Variants in HTR1F observed in about 807,000 individuals in gnomAD.
HTR1F encodes 5-hydroxytryptamine receptor 1F.
A neutral mutation model predicts 24.0 loss-of-function variants in HTR1F; 17 were observed. The ratio of observed to expected loss-of-function variants is 0.71; its 90% CI spans 0.48 to 1.06. The LOEUF (loss-of-function observed/expected upper bound fraction) is 1.06. HTR1F is among the 50% of genes least tolerant of loss of function. The pLI, the probability that HTR1F is intolerant of heterozygous loss-of-function variation, is 0.00. For missense variants in HTR1F, 391 were observed against 427.8 expected (o/e 0.91, Z 0.76); for synonymous variants, 186 against 156.8 (o/e 1.19, Z -1.39).
chr3:87,884,969 C>T (rs896655426), intron 2 of HTR1F, among the ~76,000 whole-genome samples: 1 of 152,170 alleles, frequency 6.6e-6, no homozygotes, highest in Non-Finnish European at 1.5e-5. Context: ...AGGACTTGAA[C>T]TCAGCTCTGC....
intron 2 of HTR1F, among the ~76,000 whole-genome samples, chr3:87,936,320 A>C (rs1704413985): frequency 6.6e-6 from 1 of 152,224 alleles, no homozygotes. Flanking sequence ...AAATATAGGA[A>C]GTTAAGCAAA....
At chr3:87,838,216 C>T (rs1238523916) in intron 2 of HTR1F, among the ~76,000 whole-genome samples, 1 of 152,078 alleles carries the variant, frequency 6.6e-6, no homozygotes, top group African/African-American at 2.4e-5. Context: ...GGAATTGATG[C>T]AGGAAGTGGC....
chr3:87,822,449 A>G (rs1704378193), intron 2 of HTR1F, among the ~76,000 whole-genome samples: 1 of 152,214 alleles, frequency 6.6e-6, no homozygotes. Context: ...AGAAAGTGAA[A>G]GGTAGACATT....
At chr3:87,838,650 C>T (rs1168788539) in intron 2 of HTR1F, among the ~76,000 whole-genome samples, 1 of 152,000 alleles carries the variant, frequency 6.6e-6, no homozygotes, top group Non-Finnish European at 1.5e-5. Context: ...GCAATATCCA[C>T]TCAATAATGG....
chr3:87,837,975 A>G (rs1055127168), intron 2 of HTR1F, among the ~76,000 whole-genome samples: 3 of 151,944 alleles, frequency 2.0e-5, no homozygotes, highest in African/African-American at 4.8e-5. Context: ...TTCAGAATTT[A>G]TTTTGTCCAC....
chr3:87,951,150 G>C (rs1299440434), intron 2 of HTR1F, among the ~76,000 whole-genome samples: 1 of 152,084 alleles, frequency 6.6e-6, no homozygotes, highest in Non-Finnish European at 1.5e-5. Flanking sequence ...ATACTGCTAA[G>C]TGCAAGTGGA....
At position 87,855,808 on chromosome 3, in the gene HTR1F, C is replaced by A. The variant is rs150768326; in HGVS notation, c.-43+33684C>A. ...TGTCCCTCTCAGGAATGTGAATCATCCCTTTGTCCAGCGTATCCACACTGT... is the reference window on the plus strand; with the variant it reads ...TGTCCCTCTCAGGAATGTGAATCATACCTTTGTCCAGCGTATCCACACTGT... On this transcript the variant is annotated intron_variant, in intron 2 of 2. Coordinates refer to ENST00000319595, the MANE Select transcript of HTR1F (RefSeq NM_001322209.2). Among the ~76,000 whole-genome samples, 587 of 152,172 alleles carry A rather than the reference C, an allele frequency of 3.9e-3. 5 individuals carry two copies. The highest frequency in any genetic ancestry group is 0.014 in the African/African-American group (564 of 41,548).
In HTR1F at chr3:87,880,640, G is replaced by A. The variant is rs7621718; in HGVS notation, c.-43+58516G>A. 8.4e-3 allele frequency among the ~76,000 whole-genome samples: 1,147 copies of A among 137,072 alleles called. 10 individuals carry two copies. Among genetic ancestry groups the A allele is most frequent in the African/African-American group, 0.028 (972 of 34,468 alleles). 89.9% of individuals were successfully genotyped at this position (137,072 alleles called of 152,430 possible). ...TTGTTCAGCTACAAAATGTGTGTGT[G>A]TTTGTTTGTGTGTGTGTGTGTGTGT... On this transcript the variant is annotated intron_variant, in intron 2 of 2. Transcript: ENST00000319595.
chr3:87,873,874 A>C (rs1464490291), intron 2 of HTR1F, among the ~76,000 whole-genome samples: 3 of 152,152 alleles, frequency 2.0e-5, no homozygotes, highest in Admixed American at 6.6e-5. Context: ...AAGGACAAAA[A>C]CCATATGATT....
At chr3:87,854,923 T>C (rs934793109) in intron 2 of HTR1F, among the ~76,000 whole-genome samples, 3 of 151,996 alleles carry the variant, frequency 2.0e-5, no homozygotes, top group African/African-American at 7.2e-5. Flanking sequence ...ATATTTTTTG[T>C]TGTTGTTGTT....
At chr3:87,819,154 C>A (rs1704305964) in intron 1 of HTR1F, among the ~76,000 whole-genome samples, 1 of 152,122 alleles carries the variant, frequency 6.6e-6, no homozygotes, top group Non-Finnish European at 1.5e-5. Context: ...TTAGTATCAG[C>A]AATAAGATTA....
intron 2 of HTR1F, among the ~76,000 whole-genome samples, chr3:87,831,952 C>A (rs1704588755): frequency 6.6e-6 from 1 of 152,146 alleles, no homozygotes; most frequent in African/African-American, 2.4e-5. Flanking sequence ...CTAAAATCAT[C>A]GCCATGCACT....
intron 2 of HTR1F, among the ~76,000 whole-genome samples, chr3:87,961,397 T>G (rs1201596380): frequency 6.6e-6 from 1 of 152,070 alleles, no homozygotes; most frequent in Non-Finnish European, 1.5e-5. Flanking sequence ...AATTTTGAGA[T>G]GAAAATGTTA....
In HTR1F at chr3:87,956,752, A is replaced by T. The variant is rs143544953; in HGVS notation, c.-42-33956A>T. Among the ~76,000 whole-genome samples, 603 of 151,450 alleles carry T rather than the reference A, an allele frequency of 4.0e-3. 6 individuals carry two copies. Among genetic ancestry groups the T allele is most frequent in the African/African-American group, 0.014 (579 of 41,480 alleles). The stretch of plus-strand genomic sequence containing the variant: ...TATGATTTTAGTGTTCTTAGATATG[A>T]CTTTTTAAAAATTCATTTACCAATT... On this transcript the variant is annotated intron_variant, in intron 2 of 2. Transcript: ENST00000319595.
chr3:87,921,704 A>C (rs575743290), intron 2 of HTR1F, among the ~76,000 whole-genome samples: 18 of 151,996 alleles, frequency 1.2e-4, no homozygotes, highest in African/African-American at 4.3e-4. Flanking sequence ...TTTGTTAACC[A>C]ACATCTCCTT....
chr3:87,879,596 A>G (rs534131403), intron 2 of HTR1F, among the ~76,000 whole-genome samples: 1 of 152,182 alleles, frequency 6.6e-6, no homozygotes, highest in African/African-American at 2.4e-5. Context: ...ACATTCTAGG[A>G]TATGTAGAAT....
In HTR1F at chr3:87,825,752, G is replaced by C. The variant is rs570360531; in HGVS notation, c.-43+3628G>C. Among the ~76,000 whole-genome samples the C allele has an allele frequency of 4.0e-4, 61 of 152,194 alleles. 1 individual carries two copies. Among genetic ancestry groups the C allele is most frequent in the Admixed American group, 4.0e-3 (61 of 15,288 alleles). On this transcript the variant is annotated intron_variant, in intron 2 of 2. Coordinates refer to ENST00000319595, the MANE Select transcript of HTR1F (RefSeq NM_001322209.2). ...AATTAACTTAGAATCATGTCACAAA[G>C]CCTTCTCCCTGAAAGCAAAATGGTT... is the stretch of plus-strand genomic sequence containing the variant.
chr3:87,937,601 G>A (rs1328788508), intron 2 of HTR1F, among the ~76,000 whole-genome samples: 1 of 152,080 alleles, frequency 6.6e-6, no homozygotes, highest in Non-Finnish European at 1.5e-5. Flanking sequence ...ACATAGTACT[G>A]GAAGTCCTCA....
rs1705474681 is a variant in HTR1F at position 87,868,480 on chromosome 3, G to T, written c.-43+46356G>T. Among the ~76,000 whole-genome samples, 3 of 151,808 alleles carry T rather than the reference G, an allele frequency of 2.0e-5. No individual in the cohort carries two copies. The South Asian group carries it at 6.2e-4, about 32-fold the overall frequency. ...AATGCAACACAAATATTAGTAGCAG[G>T]TTTTCTTAAAGTATTTTTTGTCTTT... On this transcript the variant is annotated intron_variant, in intron 2 of 2. Coordinates refer to ENST00000319595, the MANE Select transcript of HTR1F (RefSeq NM_001322209.2).
Sources: gnomAD v4.1 joint callset for allele counts (sites outside exome capture counted in the v4.1 genomes callset) on GRCh38, gnomAD v4.1.1 for gene constraint, MANE v1.5 for transcripts, NCBI Gene and HGNC (gene_info 2026-07-23, HGNC 2026-07-21) for gene names.